The following RASAL1 variants were observed in gnomAD, a reference collection of about 807,000 sequenced individuals.
RASAL1 encodes the protein RAS protein activator like 1.
Under a neutral mutation model 96.6 loss-of-function variants are expected in RASAL1, and 72 were observed. The observed-to-expected ratio is 0.75, with a 90% CI of 0.62 to 0.91. The LOEUF is 0.91. Ranked by LOEUF, RASAL1 falls within the 40% of genes least tolerant of loss-of-function variation. The pLI, the probability that RASAL1 is intolerant of heterozygous loss-of-function variation, is 0.00. For synonymous variants in RASAL1, 405 were observed against 430.4 expected (o/e 0.94, Z 0.73); for missense variants, 1,016 against 1,072.5 (o/e 0.95, Z 0.74).
chr12:113,115,535 CT>C lies in RASAL1; in HGVS notation c.1003+99del. On this transcript the variant is annotated intron_variant, in intron 10 of 20. Coordinates refer to ENST00000548055, the MANE Select transcript of RASAL1 (RefSeq NM_001301202.2). This position sits in a 1 kb window ranked among gnomAD's most constrained non-coding sequence, Gnocchi z 4.1. ...ACAGGGACCCACAGAAAAAGGAGCC[CT>C]TTTTCCCTCTGCCTGAGGCCTCCCC... 2 of 1,464,042 alleles carry C rather than the reference CT, an allele frequency of 1.4e-6. No individual in the cohort carries two copies. The highest frequency in any genetic ancestry group is 1.8e-6 in the Non-Finnish European group (2 of 1,090,180). The allele number at this position is 1,464,042 out of a possible 1,614,324, so 90.7% of individuals were successfully genotyped here. A position where few individuals can be genotyped will look rare whatever the true frequency, so the allele number is the denominator to read the frequency against.
chr12:113,125,826 C>G (rs1951460180), intron 4 of RASAL1, among the ~76,000 whole-genome samples: 1 of 152,118 alleles, frequency 6.6e-6, no homozygotes, highest in Non-Finnish European at 1.5e-5. Context: ...TTGCTTGAAC[C>G]AGGGAAAGAC....
intron 4 of RASAL1, among the ~76,000 whole-genome samples, chr12:113,124,213 G>C (rs1310473859): frequency 2.7e-5 from 2 of 75,334 alleles, no homozygotes; most frequent in African/African-American, 1.1e-4. Flanking sequence ...GCGAGACTCT[G>C]TCTCAAAAAA....
intron 12 of RASAL1, 33 bp downstream of exon 12, chr12:113,114,767 G>A (rs773694191): frequency 9.5e-6 from 15 of 1,579,264 alleles, no homozygotes; most frequent in African/African-American, 1.3e-5. Context: ...AAAGGGGCCC[G>A]TCGGAAGGTC....
At chr12:113,104,107 G>C (rs902890379) in intron 17 of RASAL1, 26 bp from the exon 18 acceptor site, 1 of 1,580,280 alleles carries the variant, frequency 6.3e-7, no homozygotes, top group South Asian at 1.1e-5. Flanking sequence ...GGCGATCAGG[G>C]GGCGGGTGGG....
intron 19 of RASAL1, among the ~76,000 whole-genome samples, 196 bp downstream of exon 19, chr12:113,101,693 A>G (rs996366951): frequency 3.3e-5 from 4 of 121,742 alleles, no homozygotes; most frequent in Non-Finnish European, 6.1e-5. Context: ...CCAGTTCTGC[A>G]TAAGGGACCC....
chr12:113,105,380 G>A (rs1479234429), intron 16 of RASAL1, among the ~76,000 whole-genome samples: 1 of 152,260 alleles, frequency 6.6e-6, no homozygotes, highest in Non-Finnish European at 1.5e-5. Context: ...TCAATTTTAT[G>A]AGTCTGTCTA....
At chr12:113,121,442 G>C in intron 5 of RASAL1, 67 bp downstream of exon 5, 4 of 1,598,886 alleles carry the variant, frequency 2.5e-6, no homozygotes, top group Non-Finnish European at 3.4e-6. Flanking sequence ...CCAGGCAGCA[G>C]GGGAGACCCA....
rs748320761 is a variant in RASAL1, at chr12:113,130,717, C to G, written c.122+168G>C. The stretch of plus-strand genomic sequence containing the variant: ...TCCAGAGGGGGAAGGCAGGGCTGGT[C>G]GGGGAGAGGAGCTGGCAGTCCCAGC... On this transcript the variant is annotated intron_variant, in intron 2 of 20. Coordinates refer to ENST00000548055, the MANE Select transcript of RASAL1 (RefSeq NM_001301202.2). This position sits in a 1 kb window ranked among gnomAD's most constrained non-coding sequence, Gnocchi z 5.1. Among the ~76,000 whole-genome samples, 2 of 152,138 alleles carry G rather than the reference C, an allele frequency of 1.3e-5. No homozygotes were observed. The highest frequency in any genetic ancestry group is 2.9e-5 in the Non-Finnish European group (2 of 68,012).
rs1951032164 is a variant in RASAL1 at position 113,115,264 on chromosome 12, A to G, written c.1004T>C (p.Met335Thr). ...AGAACGGAAGAGGGTGTTGGGGTCC[A>G]CTGGGAGGACAGGAGGAAGTGTTTG... ...YLTRREVART[M>T]DPNTLFRSNS... Residue 335 changes from methionine (M) to threonine (T), a missense_variant and splice_region_variant, in exon 11 of 21, where the codon ATG becomes ACG. Met to Thr is a moderately conservative substitution (Grantham distance 81). Transcript: ENST00000548055. This position sits in a 1 kb window ranked among gnomAD's most constrained non-coding sequence, Gnocchi z 4.1. 1.2e-6 allele frequency: 2 copies of G among 1,612,968 alleles called. No individual in the cohort carries two copies. Among genetic ancestry groups the G allele is most frequent in the East Asian group, 2.2e-5 (1 of 44,872 alleles).
intron 1 of RASAL1, among the ~76,000 whole-genome samples, chr12:113,134,995 T>C (rs1215250059): frequency 6.6e-6 from 1 of 152,084 alleles, no homozygotes; most frequent in African/African-American, 2.4e-5. Context: ...CAGGGTTCCC[T>C]TGCTAGGCCC....
chr12:113,117,042 C>T, intron 8 of RASAL1, 31 bp downstream of exon 8: 1 of 1,513,490 alleles, frequency 6.6e-7, no homozygotes, highest in Non-Finnish European at 9.1e-7. Flanking sequence ...ATGGCTCCAG[C>T]CTGGCCCCCT....
intron 12 of RASAL1, among the ~76,000 whole-genome samples, chr12:113,112,918 C>T (rs1290730399): frequency 6.6e-6 from 1 of 151,536 alleles, no homozygotes; most frequent in African/African-American, 2.4e-5. Flanking sequence ...CACCACTGCA[C>T]TGCAGCCTGG....
At chr12:113,119,526 A>G in intron 5 of RASAL1, 83 bp from the exon 6 acceptor site, 2 of 1,310,450 alleles carry the variant, frequency 1.5e-6, no homozygotes, top group South Asian at 1.3e-5. Flanking sequence ...GATCATTCCA[A>G]TGTCGCTGGT....
intron 4 of RASAL1, among the ~76,000 whole-genome samples, chr12:113,124,803 G>T (rs1217618533): frequency 6.6e-6 from 1 of 152,186 alleles, no homozygotes; most frequent in East Asian, 1.9e-4. Context: ...CACATAGTAG[G>T]TTTTCAACTA....
At chr12:113,118,222 T>TA (rs950901679) in intron 7 of RASAL1, among the ~76,000 whole-genome samples, 2 of 152,034 alleles carry the variant, frequency 1.3e-5, no homozygotes, top group African/African-American at 2.4e-5. Flanking sequence ...AGATTCCTTC[T>TA]AAAAAATAAA....
intron 16 of RASAL1, among the ~76,000 whole-genome samples, chr12:113,104,962 G>T (rs1217847218): frequency 6.6e-6 from 1 of 152,220 alleles, no homozygotes; most frequent in Non-Finnish European, 1.5e-5. Flanking sequence ...TCTCCAACCT[G>T]CAGATGAGAA....
At chr12:113,134,493 G>A (rs114098151) in intron 1 of RASAL1, among the ~76,000 whole-genome samples, 2,254 of 152,230 alleles carry the variant, frequency 0.015, 44 homozygotes, top group African/African-American at 0.051. Flanking sequence ...AACCAGATGG[G>A]GACTCCGGTC....
chr12:113,105,608 G>A (rs1344725997), intron 16 of RASAL1, 106 bp downstream of exon 16: 2 of 1,240,818 alleles, frequency 1.6e-6, no homozygotes, highest in Non-Finnish European at 2.2e-6. Flanking sequence ...ATGGCATCTT[G>A]GGGCCTTGCC....
At chr12:113,113,567 C>T (rs1376602883) in intron 12 of RASAL1, among the ~76,000 whole-genome samples, 1 of 152,190 alleles carries the variant, frequency 6.6e-6, no homozygotes, top group Non-Finnish European at 1.5e-5. Flanking sequence ...CAAATCCTTG[C>T]TCTGTAATTT....
Sources: gnomAD v4.1 joint callset for allele counts (sites outside exome capture counted in the v4.1 genomes callset) on GRCh38, gnomAD v4.1.1 for gene constraint, Gnocchi (gnomAD v3.1) non-coding constraint, MANE v1.5 for transcripts, NCBI Gene and HGNC (gene_info 2026-07-23, HGNC 2026-07-21) for gene names.